The following PHTF1 variants were observed in gnomAD, a reference collection of about 807,000 sequenced individuals.
PHTF1 encodes protein PHTF1.
In PHTF1, 88 loss-of-function variants were observed where a neutral mutation model predicts 102.4. That is an observed-to-expected ratio of 0.86 (90% CI 0.72 to 1.03). The LOEUF (loss-of-function observed/expected upper bound fraction) is 1.03. Ranked by LOEUF, PHTF1 falls within the 50% of genes least tolerant of loss-of-function variation. PHTF1 has a pLI of 0.00. For synonymous variants in PHTF1, 289 were observed against 305.2 expected, an observed-to-expected ratio of 0.95 and a Z score of 0.55; for missense variants, 814 against 909.5, an observed-to-expected ratio of 0.89 and a Z score of 1.35.
chr1:113,725,436 C>CA (rs1653681024), intron 6 of PHTF1: 3 of 152,114 alleles, frequency 2.0e-5, no homozygotes, highest in Admixed American at 2.0e-4. Flanking sequence ...AAATAACATT[C>CA]AAAAATAAGA....
At chr1:113,706,760 C>T (rs6698586) in intron 11 of PHTF1, 38 bp from the exon 12 acceptor site, 1,109,005 of 1,502,912 alleles carry the variant, frequency 0.74, 413,934 homozygotes, top group African/African-American at 0.83. Flanking sequence ...TATCCATGCC[C>T]TCTTGCCTCC....
intron 2 of PHTF1, 104 bp downstream of exon 2, chr1:113,758,555 C>A: frequency 2.2e-5 from 10 of 450,932 alleles, no homozygotes; most frequent in Non-Finnish European, 2.7e-5. Flanking sequence ...TATACATGAA[C>A]ACCTGGCACT....
Position 113,759,135 on chromosome 1 carries a change from C to T in PHTF1, c.-143G>A. The stretch of plus-strand genomic sequence containing the variant: ...GGCCAGGCAGGCCGCATCTTCCCCT[C>T]CAGGCGGAGACGCCGGAGAGGCCGT... On this transcript the variant is annotated 5_prime_UTR_variant, in exon 1 of 19. Coordinates refer to ENST00000369604, the MANE Select transcript of PHTF1 (RefSeq NM_001323043.2). 2 of 963,294 alleles carry T rather than the reference C, an allele frequency of 2.1e-6. No individual in the cohort carries two copies. Among genetic ancestry groups the T allele is most frequent in the Non-Finnish European group, 2.5e-6 (2 of 809,070 alleles). 59.7% of individuals were successfully genotyped at this position (963,294 alleles called of 1,614,324 possible). A position where few individuals can be genotyped will look rare whatever the true frequency, so the allele number is the denominator to read the frequency against.
rs761899843 is a variant in PHTF1, at chr1:113,738,787, T to C, written c.115A>G (p.Lys39Glu). Residue 39 changes from lysine to glutamate, a missense_variant, in exon 4 of 19, where the codon AAA (lysine) becomes GAA (glutamate). Transcript: ENST00000369604. ...TTTATGTGGCCCATCTTTTTCGGTT[T>C]GTTTTTCAAACCCTAGGATAAAACA... is the stretch of plus-strand genomic sequence containing the variant. ...EQTQIKGLKN[K>E]PKKMGHIKPD... The C allele has an allele frequency of 1.2e-6, 2 of 1,601,084 alleles. No homozygotes were observed. The highest frequency in any genetic ancestry group is 8.5e-7 in the Non-Finnish European group (1 of 1,171,834).
At chr1:113,738,020 G>C (rs1655780020) in intron 5 of PHTF1, 90 bp downstream of exon 5, 1 of 879,020 alleles carries the variant, frequency 1.1e-6, no homozygotes, top group Admixed American at 2.3e-5. Context: ...TCAAATGAAA[G>C]GGTAAATGTA....
rs1305422079 is a variant in PHTF1 at position 113,738,419 on chromosome 1, G to A, written c.173-151C>T. On this transcript the variant is annotated intron_variant, in intron 4 of 18. Transcript: ENST00000369604. ...AAACCCTCTTAGATGTTTGTTAAAT[G>A]TAATAACTTCTTGCCTCAATCACTA... The A allele has an allele frequency of 1.0e-5, 6 of 598,760 alleles. No homozygotes were observed. In the East Asian group the frequency reaches 1.7e-4, roughly 17 times the overall value. 37.1% of individuals were successfully genotyped at this position (598,760 alleles called of 1,614,324 possible).
intron 11 of PHTF1, among the ~76,000 whole-genome samples, chr1:113,709,991 A>G (rs1223818726): frequency 1.3e-5 from 2 of 152,226 alleles, no homozygotes; most frequent in Non-Finnish European, 2.9e-5. Context: ...TAAAATACAC[A>G]TAAAGGACCA....
intron 3 of PHTF1, among the ~76,000 whole-genome samples, chr1:113,752,406 T>C (rs2101704957): frequency 7.8e-6 from 1 of 128,706 alleles, no homozygotes; most frequent in African/African-American, 3.0e-5. Context: ...TTTTTTTTTT[T>C]TTTTTTTTTT....
chr1:113,713,591 T>C, intron 7 of PHTF1, 153 bp from the exon 8 acceptor site: 1 of 584,318 alleles, frequency 1.7e-6, no homozygotes, highest in Non-Finnish European at 3.0e-6. Context: ...AGTAAGGGTG[T>C]AGAATGACAA....
intron 7 of PHTF1, chr1:113,713,728 GAC>G (rs1284720946): frequency 4.7e-5 from 14 of 298,570 alleles, no homozygotes; most frequent in Non-Finnish European, 8.7e-5. Flanking sequence ...CATCTTCTCA[GAC>G]ACAATGCAAC....
Position 113,704,158 on chromosome 1 carries a change from GC to G in PHTF1, c.1812del (p.Pro605HisfsTer15). On this transcript the variant is annotated frameshift_variant, in exon 15 of 19. Transcript: ENST00000369604. LOFTEE classifies it high-confidence loss of function. ...LSLRSYLKRRGPQRSVDVVVS... is the reference protein window; with the variant it reads ...LSLRSYLKRRXPQRSVDVVVS... Reference sequence around the variant, plus strand: ...ACAACCACATCAACTGAACGCTGTGGCCCCCGTCTCTGTGGAGTGAGACACA... The same window carrying G: ...ACAACCACATCAACTGAACGCTGTGGCCCCGTCTCTGTGGAGTGAGACACA... 2 of 1,610,924 alleles carry G rather than the reference GC, an allele frequency of 1.2e-6. No individual in the cohort carries two copies. Among genetic ancestry groups the G allele is most frequent in the Non-Finnish European group, 1.7e-6 (2 of 1,177,702 alleles).
Position 113,759,022 on chromosome 1 carries a change from C to A in PHTF1, c.-31+1G>T. Reference sequence around the variant, plus strand: ...TTCGCTCGCCCGCGTCCGGCTCTCACCTAGTGCCCGTTGCCCCGCGGGCCG... The same window carrying A: ...TTCGCTCGCCCGCGTCCGGCTCTCAACTAGTGCCCGTTGCCCCGCGGGCCG... On this transcript the variant is annotated splice_donor_variant, in intron 1 of 18. Coordinates refer to ENST00000369604, the MANE Select transcript of PHTF1 (RefSeq NM_001323043.2). LOFTEE classifies it low-confidence loss of function (5UTR_SPLICE). 1 of 1,044,660 alleles carries A rather than the reference C, an allele frequency of 9.6e-7. No individual in the cohort carries two copies. 64.7% of individuals were successfully genotyped at this position (1,044,660 alleles called of 1,614,324 possible). A position where few individuals can be genotyped will look rare whatever the true frequency, so the allele number is the denominator to read the frequency against.
intron 3 of PHTF1, among the ~76,000 whole-genome samples, chr1:113,752,631 G>A (rs1383280457): frequency 2.0e-5 from 3 of 151,962 alleles, no homozygotes; most frequent in East Asian, 1.9e-4. Flanking sequence ...TGATCCACCC[G>A]CCTTGGCCTC....
intron 3 of PHTF1, among the ~76,000 whole-genome samples, chr1:113,743,272 C>G (rs1656704340): frequency 6.7e-6 from 1 of 149,252 alleles, no homozygotes; most frequent in Non-Finnish European, 1.5e-5. Flanking sequence ...TAAATAAAAA[C>G]TAAGACACAC....
chr1:113,704,259 T>A (rs747156463), intron 14 of PHTF1, 92 bp from the exon 15 acceptor site: 201 of 653,852 alleles, frequency 3.1e-4, no homozygotes, highest in Non-Finnish European at 4.6e-4. Flanking sequence ...ACTACATTCG[T>A]GTGAAAATAA....
chr1:113,745,024 A>AGGCAGGGCAGGGCAGGGCAG (rs368445019), intron 3 of PHTF1, among the ~76,000 whole-genome samples: 1 of 148,982 alleles, frequency 6.7e-6, no homozygotes, highest in Non-Finnish European at 1.5e-5. Context: ...GGAGAGGGCA[A>AGGCAGGGCAGGGCAGGGCAG]GGCAGGGCAG....
intron 5 of PHTF1, among the ~76,000 whole-genome samples, chr1:113,730,946 T>A (rs1267830426): frequency 4.6e-5 from 7 of 152,216 alleles, no homozygotes; most frequent in Non-Finnish European, 8.8e-5. Context: ...TCTGCTTATA[T>A]GATGTTCCCA....
intron 3 of PHTF1, among the ~76,000 whole-genome samples, chr1:113,750,644 A>G (rs939006818): frequency 2.0e-5 from 3 of 151,906 alleles, no homozygotes; most frequent in African/African-American, 7.3e-5. Context: ...AGATCATGAA[A>G]TCAAGAGATC....
At chr1:113,739,083 C>T (rs1264003794) in intron 3 of PHTF1, among the ~76,000 whole-genome samples, 1 of 152,104 alleles carries the variant, frequency 6.6e-6, no homozygotes, top group Admixed American at 6.5e-5. Context: ...AAACTCCTGA[C>T]CTCAGGTGAT....
Sources: gnomAD v4.1 joint callset for allele counts (sites outside exome capture counted in the v4.1 genomes callset) on GRCh38, gnomAD v4.1.1 for gene constraint, MANE v1.5 for transcripts, NCBI Gene and HGNC (gene_info 2026-07-23, HGNC 2026-07-21) for gene names.